The following LSM4 variants were observed in gnomAD, a reference collection of about 807,000 sequenced individuals.
LSM4 encodes U6 snRNA-associated Sm-like protein LSm4.
LSM4 carries 15 observed loss-of-function variants against 22.3 expected under a neutral mutation model. That is an observed-to-expected ratio of 0.67 (90% CI 0.45 to 1.03). LSM4 has a LOEUF of 1.03. Ranked by LOEUF, LSM4 falls within the 50% of genes least tolerant of loss-of-function variation. The pLI, the probability that LSM4 is intolerant of heterozygous loss-of-function variation, is 0.00. For synonymous variants in LSM4, 90 were observed against 79.8 expected (o/e 1.13, Z -0.68); for missense variants, 127 against 198.0 (o/e 0.64, Z 2.15).
At chr19:18,310,177 A>T (rs1315583488) in intron 3 of LSM4, 1 of 367,326 alleles carries the variant, frequency 2.7e-6, no homozygotes, top group Admixed American at 4.9e-5. Flanking sequence ...GGCTCCCTCC[A>T]GCCTGGGATG....
chr19:18,307,997 C>T (rs1271780924), intron 4 of LSM4, among the ~76,000 whole-genome samples: 1 of 152,058 alleles, frequency 6.6e-6, no homozygotes, highest in African/African-American at 2.4e-5. Flanking sequence ...CCTCATCTAC[C>T]TGCCAGGAGG....
intron 1 of LSM4, among the ~76,000 whole-genome samples, chr19:18,321,680 T>C (rs927600659): frequency 2.6e-5 from 4 of 152,218 alleles, no homozygotes; most frequent in Non-Finnish European, 4.4e-5. Flanking sequence ...AATTGCTCCT[T>C]GGGATAACAT....
intron 1 of LSM4, among the ~76,000 whole-genome samples, chr19:18,317,237 G>A (rs570006744): frequency 1.3e-5 from 2 of 151,758 alleles, no homozygotes; most frequent in Non-Finnish European, 2.9e-5. Context: ...GGCCAGGCTG[G>A]TCTTGAACTC....
rs138062991 is a variant in LSM4, at chr19:18,307,400, G to A, written c.*64C>T. The A allele has an allele frequency of 1.4e-3, 1,863 of 1,366,848 alleles. 6 individuals carry two copies. The highest frequency in any genetic ancestry group is 1.4e-3 in the Non-Finnish European group (1,416 of 1,032,578). The allele number at this position is 1,366,848 out of a possible 1,614,324, so 84.7% of individuals were successfully genotyped here. Reference sequence around the variant, plus strand: ...TCTTCCTTTCTGAGCAGATCCGTCCGAGACTGTGGAGCGGAATCGCCACCC... The same window carrying A: ...TCTTCCTTTCTGAGCAGATCCGTCCAAGACTGTGGAGCGGAATCGCCACCC... On this transcript the variant is annotated 3_prime_UTR_variant, in exon 5 of 5. Transcript: ENST00000593829.
In LSM4 at chr19:18,312,625, T is replaced by G. The variant is rs754029923; in HGVS notation, c.123A>C (p.Arg41=). 1.2e-6 allele frequency: 2 copies of G among 1,613,930 alleles called. No individual in the cohort carries two copies. The highest frequency in any genetic ancestry group is 1.7e-6 in the Non-Finnish European group (2 of 1,179,850). The change falls in exon 3 of 5, where the codon CGA becomes CGC. Residue 41 remains arginine, a synonymous_variant. Transcript: ENST00000593829. ...SCDNWMNINL[R]EVICTSRDGD... ...CCACCCTGGACGTGCAGATGACTTC[T>G]CGCAGGTTAATGTTCATCCAGTTGT...
At chr19:18,317,902 G>T (rs1600170812) in intron 1 of LSM4, among the ~76,000 whole-genome samples, 1 of 152,070 alleles carries the variant, frequency 6.6e-6, no homozygotes, top group South Asian at 2.1e-4. Flanking sequence ...ATTACTGGGG[G>T]GGAAATCAAC....
At chr19:18,315,442 T>C (rs1402027165) in intron 2 of LSM4, among the ~76,000 whole-genome samples, 1 of 151,568 alleles carries the variant, frequency 6.6e-6, no homozygotes, top group Non-Finnish European at 1.5e-5. Flanking sequence ...TGAGCCACCA[T>C]GCCCAACCTG....
intron 3 of LSM4, among the ~76,000 whole-genome samples, chr19:18,310,435 G>A (rs759863630): frequency 2.0e-5 from 3 of 152,208 alleles, no homozygotes; most frequent in East Asian, 1.9e-4. Flanking sequence ...AGAGGGGCGG[G>A]AAATGGGGGG....
intron 4 of LSM4, among the ~76,000 whole-genome samples, chr19:18,308,586 G>A (rs577656873): frequency 2.6e-5 from 4 of 152,346 alleles, no homozygotes; most frequent in East Asian, 3.9e-4. Context: ...CACAGAGCCC[G>A]CTGGGAGGCT....
At chr19:18,319,345 C>T (rs2148146597) in intron 1 of LSM4, among the ~76,000 whole-genome samples, 1 of 151,640 alleles carries the variant, frequency 6.6e-6, no homozygotes. Flanking sequence ...GGGCGGATCA[C>T]GAGGTCAGGA....
rs750782945 is a variant in LSM4 at position 18,316,057 on chromosome 19, C to T, written c.12G>A (p.Leu4=). The stretch of plus-strand genomic sequence containing the variant: ...GATTCTGAGCCGTCTTCAGCAGTGA[C>T]AAGGGAAGCTGAAAGGCAAATAAAG... The part of the protein sequence containing the change: MLP[L]SLLKTAQNHP... Residue 4 remains leucine, a synonymous_variant, in exon 2 of 5, where the codon TTG becomes TTA. Coordinates refer to ENST00000593829, the MANE Select transcript of LSM4 (RefSeq NM_012321.5). 1 of 1,613,636 alleles carries T rather than the reference C, an allele frequency of 6.2e-7. No individual in the cohort carries two copies. The highest frequency in any genetic ancestry group is 2.2e-5 in the East Asian group (1 of 44,858).
At chr19:18,319,258 A>G (rs1970395720) in intron 1 of LSM4, among the ~76,000 whole-genome samples, 1 of 149,448 alleles carries the variant, frequency 6.7e-6, no homozygotes, top group Admixed American at 6.7e-5. Context: ...ACAAAAAACA[A>G]AAAAACAAAA....
At position 18,312,381 on chromosome 19, in the gene LSM4, G is replaced by A. The variant is rs567983294; in HGVS notation, c.144+223C>T. On this transcript the variant is annotated intron_variant, in intron 3 of 4. Transcript: ENST00000593829. ...TTCCAGGTCAGGGGTGGCACCAACAGACACACAGCAGGAAAGTCTCCCACA... is the reference window on the plus strand; with the variant it reads ...TTCCAGGTCAGGGGTGGCACCAACAAACACACAGCAGGAAAGTCTCCCACA... 19 of 513,280 alleles carry A rather than the reference G, an allele frequency of 3.7e-5. 1 individual carries two copies. In the East Asian group the frequency reaches 5.3e-4, roughly 14 times the overall value. The allele number at this position is 513,280 out of a possible 1,614,324, so 31.8% of individuals were successfully genotyped here.
intron 1 of LSM4, 42 bp from the exon 2 acceptor site, chr19:18,316,107 G>T: frequency 1.2e-6 from 2 of 1,604,266 alleles, no homozygotes; most frequent in Non-Finnish European, 8.5e-7. Context: ...TGTTTGACCA[G>T]CGCCTGGGAG....
Position 18,316,156 on chromosome 19 carries a change from C to G in LSM4, c.4-91G>C, listed in dbSNP as rs767702721. 3.3e-6 allele frequency: 4 copies of G among 1,226,014 alleles called. No homozygotes were observed. The East Asian group carries it at 9.8e-5, about 30-fold the overall frequency. The allele number at this position is 1,226,014 out of a possible 1,614,324, so 75.9% of individuals were successfully genotyped here. A position where few individuals can be genotyped will look rare whatever the true frequency, so the allele number is the denominator to read the frequency against. ...TCCCACCCATGACTCATAGATGGTG[C>G]GGTGCGGTTGAGGGGGCACAGGAGT... On this transcript the variant is annotated intron_variant, in intron 1 of 4. Transcript: ENST00000593829.
chr19:18,317,436 C>T (rs1220738515), intron 1 of LSM4, among the ~76,000 whole-genome samples: 1 of 151,340 alleles, frequency 6.6e-6, no homozygotes, highest in Non-Finnish European at 1.5e-5. Context: ...GGGTTCATGC[C>T]ATTCTCCTGC....
Position 18,307,365 on chromosome 19 carries a change from G to A in LSM4, c.*99C>T. On this transcript the variant is annotated 3_prime_UTR_variant, in exon 5 of 5. Coordinates refer to ENST00000593829, the MANE Select transcript of LSM4 (RefSeq NM_012321.5). ...ACAAAACACGAAGGGGGTTCCCCCT[G>A]GCGCCTGCCTCTTCCTTTCTGAGCA... 1.0e-6 allele frequency: 1 copy of A among 986,426 alleles called. No homozygotes were observed. The highest frequency in any genetic ancestry group is 1.3e-6 in the Non-Finnish European group (1 of 743,622). The allele number at this position is 986,426 out of a possible 1,614,324, so 61.1% of individuals were successfully genotyped here.
chr19:18,311,450 G>A (rs957879170), intron 3 of LSM4, among the ~76,000 whole-genome samples: 2 of 152,212 alleles, frequency 1.3e-5, no homozygotes, highest in Admixed American at 1.3e-4. Context: ...TGGAGGCAGA[G>A]GCCAAACCAA....
chr19:18,320,152 T>G (rs908423134), intron 1 of LSM4, among the ~76,000 whole-genome samples: 2 of 152,012 alleles, frequency 1.3e-5, no homozygotes, highest in African/African-American at 4.8e-5. Context: ...ATCTCCAAAC[T>G]CTGTTGGAGA....
Sources: allele counts gnomAD v4.1 joint callset (sites outside exome capture counted in the v4.1 genomes callset), GRCh38; gene constraint gnomAD v4.1.1; transcripts MANE v1.5; gene names NCBI Gene and HGNC (gene_info 2026-07-23, HGNC 2026-07-21).